The following TMEM40 variants were observed in gnomAD, a reference collection of about 807,000 sequenced individuals.
TMEM40 encodes transmembrane protein 40.
TMEM40 carries 34 observed loss-of-function variants against 40.8 expected under a neutral mutation model. The observed-to-expected ratio is 0.83, with a 90% CI of 0.63 to 1.11. TMEM40 has a LOEUF of 1.11. TMEM40 is among the 50% of genes least tolerant of loss of function. TMEM40 has a pLI of 0.00. For synonymous variants in TMEM40, 106 were observed against 107.0 expected (o/e 0.99, Z 0.06); for missense variants, 296 against 280.2 (o/e 1.06, Z -0.40).
intron 1 of TMEM40, 122 bp from the exon 2 acceptor site, chr3:12,749,962 A>G (rs2061460819): frequency 1.0e-6 from 1 of 997,402 alleles, no homozygotes; most frequent in African/African-American, 1.6e-5. Flanking sequence ...AAGAAAAATA[A>G]TTAACAAAAA....
intron 3 of TMEM40, among the ~76,000 whole-genome samples, chr3:12,744,828 T>TTTAATTATTTTAAACAATTTTAAACATCA (rs2061414308): frequency 6.6e-6 from 1 of 152,128 alleles, no homozygotes; most frequent in Non-Finnish European, 1.5e-5. Context: ...AAATTAATTG[T>TTTAATTATTTTAAACAATTTTAAACATCA]GTTTAAACAT....
intron 11 of TMEM40, among the ~76,000 whole-genome samples, 167 bp downstream of exon 11, chr3:12,735,388 C>T (rs1317506131): frequency 6.6e-6 from 1 of 152,162 alleles, no homozygotes; most frequent in African/African-American, 2.4e-5. Context: ...GAAACCGAGG[C>T]TACACGGCTC....
chr3:12,744,977 C>A (rs2061415445), intron 3 of TMEM40, among the ~76,000 whole-genome samples: 1 of 152,090 alleles, frequency 6.6e-6, no homozygotes, highest in Non-Finnish European at 1.5e-5. Context: ...TACAAATATT[C>A]ATCAGTGCAA....
At chr3:12,745,407 A>G (rs1180720668) in intron 3 of TMEM40, among the ~76,000 whole-genome samples, 3 of 151,986 alleles carry the variant, frequency 2.0e-5, no homozygotes, top group Non-Finnish European at 4.4e-5. Flanking sequence ...ACTGCCATCA[A>G]TGTGTGAATG....
chr3:12,753,198 T>C (rs1286974660), intron 1 of TMEM40, among the ~76,000 whole-genome samples: 2 of 142,320 alleles, frequency 1.4e-5, no homozygotes, highest in East Asian at 3.9e-4. Flanking sequence ...CTTTTTTCTT[T>C]CTTTCTTTCT....
At chr3:12,755,772 A>G (rs2061522636) in intron 1 of TMEM40, among the ~76,000 whole-genome samples, 1 of 152,236 alleles carries the variant, frequency 6.6e-6, no homozygotes, top group Non-Finnish European at 1.5e-5. Context: ...CACAAGGCAG[A>G]CAGGTTGATT....
intron 1 of TMEM40, among the ~76,000 whole-genome samples, chr3:12,768,812 C>T (rs189987592): frequency 0.045 from 6,836 of 151,766 alleles, 158 homozygotes; most frequent in African/African-American, 0.055. Flanking sequence ...AGCCCTTGGG[C>T]GGTCGATGGG....
intron 10 of TMEM40, among the ~76,000 whole-genome samples, 192 bp downstream of exon 10, chr3:12,736,386 G>C (rs964150011): frequency 2.6e-5 from 4 of 152,116 alleles, no homozygotes; most frequent in Non-Finnish European, 5.9e-5. Context: ...CTAACCTCAG[G>C]TGATCCACAC....
intron 3 of TMEM40, among the ~76,000 whole-genome samples, chr3:12,744,973 T>C (rs1034751999): frequency 6.6e-6 from 1 of 152,188 alleles, no homozygotes; most frequent in Non-Finnish European, 1.5e-5. Context: ...ATTTTACAAA[T>C]ATTCATCAGT....
At chr3:12,747,743 C>G (rs71325693) in intron 3 of TMEM40, among the ~76,000 whole-genome samples, 1 of 151,700 alleles carries the variant, frequency 6.6e-6, no homozygotes. Flanking sequence ...AACCCTATCT[C>G]TACTAAAAAT....
At position 12,741,628 on chromosome 3, in the gene TMEM40, G is replaced by A. The variant is rs138571377; in HGVS notation, c.355+826C>T. On this transcript the variant is annotated intron_variant, in intron 5 of 11. Coordinates refer to ENST00000314124, the MANE Select transcript of TMEM40 (RefSeq NM_018306.4). ...TATCTACATTTTCTACAGTGAATATGAATTACTTAATGAGAAAAATATTTT... is the reference window on the plus strand; with the variant it reads ...TATCTACATTTTCTACAGTGAATATAAATTACTTAATGAGAAAAATATTTT... 2.6e-3 allele frequency among the ~76,000 whole-genome samples: 389 copies of A among 152,264 alleles called. 1 individual carries two copies. Among genetic ancestry groups the A allele is most frequent in the African/African-American group, 8.9e-3 (371 of 41,546 alleles).
At chr3:12,755,218 TCTCTCTC>T (rs1559533244) in intron 1 of TMEM40, among the ~76,000 whole-genome samples, 794 of 76,856 alleles carry the variant, frequency 0.01, 20 homozygotes, top group African/African-American at 0.055. Flanking sequence ...TTTCTTTCTC[TCTCTCTC>T]TCTCTCTCTC....
At chr3:12,765,467 C>G (rs2061589995) in intron 1 of TMEM40, among the ~76,000 whole-genome samples, 2 of 151,224 alleles carry the variant, frequency 1.3e-5, no homozygotes, top group African/African-American at 4.9e-5. Flanking sequence ...TGGAGGGCAG[C>G]AATACAAACA....
At chr3:12,762,199 G>A (rs1030184623), upstream of TMEM40, among the ~76,000 whole-genome samples, 1 of 152,090 alleles carries the variant, frequency 6.6e-6, no homozygotes, top group Non-Finnish European at 1.5e-5. Flanking sequence ...TGAACTCCTG[G>A]GCTCAAGTGA....
chr3:12,754,094 T>C (rs932291876), intron 1 of TMEM40, among the ~76,000 whole-genome samples: 5 of 152,096 alleles, frequency 3.3e-5, no homozygotes, highest in Non-Finnish European at 7.4e-5. Context: ...TTTCATCACA[T>C]CAGGTCAGGA....
At chr3:12,750,196 A>T (rs1331526497) in intron 1 of TMEM40, among the ~76,000 whole-genome samples, 1 of 150,110 alleles carries the variant, frequency 6.7e-6, no homozygotes, top group Admixed American at 6.7e-5. Flanking sequence ...GCTGGTCTTG[A>T]ACTCCTGGGC....
At position 12,734,061 on chromosome 3, in the gene TMEM40, T is replaced by G. The variant is rs955994532; in HGVS notation, c.*713A>C. 6.6e-6 allele frequency: 1 copy of G among 151,984 alleles called. No homozygotes were observed. The highest frequency in any genetic ancestry group is 1.5e-5 in the Non-Finnish European group (1 of 68,072). The allele number at this position is 151,984 out of a possible 1,614,324, so 9.4% of individuals were successfully genotyped here. On this transcript the variant is annotated 3_prime_UTR_variant, in exon 12 of 12. Coordinates refer to ENST00000314124, the MANE Select transcript of TMEM40 (RefSeq NM_018306.4). ...CTGGAACCGCAGGTATGTACAGGTA[T>G]GTACCGCCACATTTGGTCATTAAAA...
chr3:12,751,218 T>C, intron 1 of TMEM40, among the ~76,000 whole-genome samples: 1 of 149,498 alleles, frequency 6.7e-6, no homozygotes, highest in South Asian at 2.2e-4. Context: ...CCCTTGGACA[T>C]TCAGTGTCCA....
intron 7 of TMEM40, 27 bp from the exon 8 acceptor site, chr3:12,737,781 T>G: frequency 6.2e-7 from 1 of 1,607,662 alleles, no homozygotes; most frequent in South Asian, 1.1e-5. Context: ...AGATGAATAT[T>G]TAACTTTGAT....
Sources: gnomAD v4.1 joint callset for allele counts (sites outside exome capture counted in the v4.1 genomes callset) on GRCh38, gnomAD v4.1.1 for gene constraint, MANE v1.5 for transcripts, NCBI Gene and HGNC (gene_info 2026-07-23, HGNC 2026-07-21) for gene names.